Variants in ZPBP observed in about 807,000 individuals in gnomAD.
ZPBP encodes zona pellucida binding protein, also known as zona pellucida-binding protein 1.
In ZPBP, 26 loss-of-function variants were observed where a neutral mutation model predicts 44.8. The observed-to-expected ratio is 0.58, with a 90% CI of 0.43 to 0.81. The LOEUF (loss-of-function observed/expected upper bound fraction) is 0.81, where lower values mean the gene tolerates loss of function less well. Among genes scored for constraint, ZPBP ranks in the 30% least tolerant of loss-of-function variants. The pLI is 0.00. For synonymous variants in ZPBP, 174 were observed against 153.2 expected, an observed-to-expected ratio of 1.14 and a Z score of -1.00; for missense variants, 409 against 434.0, an observed-to-expected ratio of 0.94 and a Z score of 0.51.
chr7:49,900,184 T>G (rs7794641), intron 2 of ZPBP, among the ~76,000 whole-genome samples: 115,926 of 151,498 alleles, frequency 0.77, 44,540 homozygotes, highest in East Asian at 0.89. Flanking sequence ...AAAGCAGGAC[T>G]TTAGGGACAT....
chr7:49,860,433 C>T (rs950082006), intron 2 of ZPBP, among the ~76,000 whole-genome samples: 4 of 152,228 alleles, frequency 2.6e-5, no homozygotes, highest in African/African-American at 4.8e-5. Flanking sequence ...ATTAGTGCTT[C>T]ATTCCTTTCT....
At chr7:49,975,685 C>T (rs566845149) in intron 7 of ZPBP, among the ~76,000 whole-genome samples, 3 of 152,284 alleles carry the variant, frequency 2.0e-5, no homozygotes, top group South Asian at 2.1e-4. Flanking sequence ...CTGGCAAAGC[C>T]TCTATTCTGC....
chr7:49,940,127 GCCAAA>G (rs1441552671), intron 7 of ZPBP, among the ~76,000 whole-genome samples: 1 of 152,100 alleles, frequency 6.6e-6, no homozygotes, highest in Non-Finnish European at 1.5e-5. Flanking sequence ...CTTTATGAAA[GCCAAA>G]CCCTCTCTTT....
chr7:50,045,381 G>T (rs1800299008), intron 4 of ZPBP, among the ~76,000 whole-genome samples: 3 of 152,172 alleles, frequency 2.0e-5, no homozygotes, highest in Non-Finnish European at 4.4e-5. Context: ...CAGATGACAT[G>T]ATTTTATATT....
At chr7:50,082,909 A>G (rs1802441555) in intron 2 of ZPBP, among the ~76,000 whole-genome samples, 1 of 151,466 alleles carries the variant, frequency 6.6e-6, no homozygotes, top group Admixed American at 6.6e-5. Flanking sequence ...TACCCCATAA[A>G]TTTTCACTCC....
At chr7:49,873,097 C>T (rs925337189) in intron 2 of ZPBP, among the ~76,000 whole-genome samples, 1 of 151,700 alleles carries the variant, frequency 6.6e-6, no homozygotes, top group Admixed American at 6.6e-5. Context: ...AACTGCAAAA[C>T]AATACAAACG....
At chr7:49,890,241 G>A (rs992895365) in intron 2 of ZPBP, among the ~76,000 whole-genome samples, 1 of 152,238 alleles carries the variant, frequency 6.6e-6, no homozygotes, top group African/African-American at 2.4e-5. Context: ...CAGGTCAAGC[G>A]TATTTGATAA....
At chr7:50,041,655 C>T (rs2089539) in intron 4 of ZPBP, among the ~76,000 whole-genome samples, 40,836 of 152,046 alleles carry the variant, frequency 0.27, 6,100 homozygotes, top group Non-Finnish European at 0.35. Flanking sequence ...CCAAAGGTCA[C>T]CAACATCTCC....
chr7:49,955,586 T>C (rs1288783241), intron 7 of ZPBP, among the ~76,000 whole-genome samples: 1 of 151,806 alleles, frequency 6.6e-6, no homozygotes, highest in East Asian at 1.9e-4. Flanking sequence ...GAAGAGCACA[T>C]TAATTTTCAG....
chr7:50,088,076 A>C (rs1439753523), intron 2 of ZPBP, among the ~76,000 whole-genome samples: 1 of 152,118 alleles, frequency 6.6e-6, no homozygotes, highest in African/African-American at 2.4e-5. Context: ...GCATAAGAAC[A>C]GACATATAAA....
At chr7:49,971,155 G>A (rs1384535302) in intron 7 of ZPBP, among the ~76,000 whole-genome samples, 2 of 152,024 alleles carry the variant, frequency 1.3e-5, no homozygotes, top group Non-Finnish European at 2.9e-5. Context: ...GTGGTAAGAG[G>A]GATATTTAGA....
intron 2 of ZPBP, among the ~76,000 whole-genome samples, chr7:49,886,631 T>G (rs572005743): frequency 2.0e-5 from 3 of 152,332 alleles, no homozygotes; most frequent in Admixed American, 1.3e-4. Flanking sequence ...GGTTCAGGGG[T>G]ACATGGGCAG....
At chr7:50,075,331 T>G (rs1278074884) in intron 3 of ZPBP, among the ~76,000 whole-genome samples, 1 of 151,432 alleles carries the variant, frequency 6.6e-6, no homozygotes, top group South Asian at 2.1e-4. Flanking sequence ...GGGGAAAAAC[T>G]TCAAATAATC....
intron 7 of ZPBP, among the ~76,000 whole-genome samples, chr7:49,982,862 A>G (rs1476940805): frequency 1.3e-5 from 2 of 151,978 alleles, no homozygotes; most frequent in Non-Finnish European, 2.9e-5. Context: ...ATGAAAAAGA[A>G]AGAATGAATG....
At chr7:49,877,868 T>G (rs1034853886) in intron 2 of ZPBP, among the ~76,000 whole-genome samples, 1 of 152,086 alleles carries the variant, frequency 6.6e-6, no homozygotes, top group Non-Finnish European at 1.5e-5. Flanking sequence ...CAACTGCCAC[T>G]TTGTCATCAT....
At chr7:49,901,109 C>A (rs973685526) in intron 2 of ZPBP, 1 of 151,996 alleles carries the variant, frequency 6.6e-6, no homozygotes, top group Non-Finnish European at 1.5e-5. Context: ...CCTACAACAT[C>A]GTACTTACTG....
chr7:50,064,536 C>T (rs1184478459), intron 3 of ZPBP, among the ~76,000 whole-genome samples: 2 of 152,130 alleles, frequency 1.3e-5, no homozygotes, highest in African/African-American at 4.8e-5. Flanking sequence ...CAGCTACGCC[C>T]AGGGGGCCAG....
intron 7 of ZPBP, among the ~76,000 whole-genome samples, chr7:49,981,343 T>A (rs1488663360): frequency 1.3e-4 from 1 of 7,668 alleles, no homozygotes; most frequent in Non-Finnish European, 2.5e-4. Context: ...ATTATATATA[T>A]TATATAATAT....
At chr7:49,985,365 A>G (rs1306359235) in intron 6 of ZPBP, among the ~76,000 whole-genome samples, 1 of 152,148 alleles carries the variant, frequency 6.6e-6, no homozygotes, top group Non-Finnish European at 1.5e-5. Flanking sequence ...CCTGTGGTAA[A>G]ATTTATTTTG....
Sources: allele counts gnomAD v4.1 joint callset (sites outside exome capture counted in the v4.1 genomes callset), GRCh38; gene constraint gnomAD v4.1.1; transcripts MANE v1.5; gene names NCBI Gene and HGNC (gene_info 2026-07-23, HGNC 2026-07-21).